Variants in ROBO1 observed in about 807,000 individuals in gnomAD.
ROBO1 encodes roundabout homolog 1.
Under a neutral mutation model 195.9 loss-of-function variants are expected in ROBO1, and 149 were observed. The observed-to-expected ratio is 0.76, with a 90% CI of 0.67 to 0.87. The LOEUF (loss-of-function observed/expected upper bound fraction) is 0.87. ROBO1 is among the 40% of genes least tolerant of loss of function. The probability of loss-of-function intolerance (pLI) is 0.00; values close to 1 mark genes in which losing one functional copy is unlikely to be tolerated. For missense variants in ROBO1, 1,933 were observed against 2,068.3 expected (o/e 0.93, Z 1.27); for synonymous variants, 816 against 733.2 (o/e 1.11, Z -1.82).
intron 17 of ROBO1, among the ~76,000 whole-genome samples, 167 bp downstream of exon 17, chr3:78,659,519 A>G (rs1240259806): frequency 6.6e-6 from 1 of 152,188 alleles, no homozygotes; most frequent in Non-Finnish European, 1.5e-5. Context: ...CAGAATTTCA[A>G]AATCACTGAA....
intron 2 of ROBO1, among the ~76,000 whole-genome samples, chr3:79,524,168 A>AGTGTGTGTGT (rs10663604): frequency 1.3e-5 from 2 of 150,640 alleles, no homozygotes; most frequent in Non-Finnish European, 3.0e-5. Flanking sequence ...ATTTGAAGTA[A>AGTGTGTGTGT]GTGTGTGTGT....
intron 4 of ROBO1, among the ~76,000 whole-genome samples, chr3:78,764,936 A>AT (rs937776130): frequency 4.6e-5 from 7 of 152,116 alleles, no homozygotes; most frequent in South Asian, 2.1e-4. Flanking sequence ...GGTTTGTGTG[A>AT]TTTTTTTAAG....
intron 2 of ROBO1, among the ~76,000 whole-genome samples, chr3:79,335,278 G>A (rs1190149365): frequency 6.6e-6 from 1 of 152,056 alleles, no homozygotes. Flanking sequence ...AGAAATGAAT[G>A]TATATTCAAG....
In ROBO1 at chr3:78,600,266, A is replaced by G. The variant is rs1286987521; in HGVS notation, c.4788T>C (p.Asn1596=). ...PYCRPTFPTS[N]NPRDPSSSSS... is the part of the protein sequence containing the mutation. ...TTGAGGAACTGGGATCTCTGGGATTATTTGATGTTGGAAAAGTAGGTCTAC... is the reference window on the plus strand; with the variant it reads ...TTGAGGAACTGGGATCTCTGGGATTGTTTGATGTTGGAAAAGTAGGTCTAC... The change falls in exon 30 of 31, where the codon AAT becomes AAC. Residue 1596 remains asparagine (N), a synonymous_variant. Transcript: ENST00000464233. 10 of 1,613,060 alleles carry G rather than the reference A, an allele frequency of 6.2e-6. No individual in the cohort carries two copies. The highest frequency in any genetic ancestry group is 8.5e-6 in the Non-Finnish European group (10 of 1,179,276).
intron 2 of ROBO1, among the ~76,000 whole-genome samples, chr3:79,228,631 G>T (rs1043922947): frequency 1.3e-5 from 2 of 152,102 alleles, no homozygotes; most frequent in Non-Finnish European, 2.9e-5. Context: ...AAAATTAGGA[G>T]GGGGCTGAGG....
chr3:79,522,718 T>A (rs2107583962), intron 2 of ROBO1, among the ~76,000 whole-genome samples: 1 of 152,332 alleles, frequency 6.6e-6, no homozygotes, highest in South Asian at 2.1e-4. Context: ...TCATTATTTC[T>A]GTTTAAAGAT....
chr3:79,227,951 T>G (rs973800757), intron 2 of ROBO1, among the ~76,000 whole-genome samples: 1 of 152,206 alleles, frequency 6.6e-6, no homozygotes, highest in African/African-American at 2.4e-5. Context: ...GTTCATTTTC[T>G]TAACAGATTG....
At chr3:79,681,525 G>T (rs1946948112) in intron 1 of ROBO1, among the ~76,000 whole-genome samples, 1 of 151,996 alleles carries the variant, frequency 6.6e-6, no homozygotes, top group South Asian at 2.1e-4. Flanking sequence ...GAGTTATTTG[G>T]AATGTAAAGT....
At chr3:78,992,624 C>A (rs1487016134) in intron 3 of ROBO1, among the ~76,000 whole-genome samples, 1 of 152,086 alleles carries the variant, frequency 6.6e-6, no homozygotes, top group Non-Finnish European at 1.5e-5. Context: ...TGTGCTGTGG[C>A]TTGCTAGTAA....
chr3:79,305,419 G>A (rs1222230775), intron 2 of ROBO1, among the ~76,000 whole-genome samples: 7 of 150,132 alleles, frequency 4.7e-5, no homozygotes, highest in Non-Finnish European at 7.4e-5. Context: ...CCTGGGAGGC[G>A]GAGGTTGCAG....
chr3:79,551,748 G>A (rs1277203291), intron 2 of ROBO1, among the ~76,000 whole-genome samples: 3 of 151,748 alleles, frequency 2.0e-5, no homozygotes, highest in Non-Finnish European at 4.4e-5. Flanking sequence ...TCATTTATGT[G>A]ACAAAGTAAA....
intron 2 of ROBO1, among the ~76,000 whole-genome samples, chr3:79,569,017 T>C (rs1207902265): frequency 2.0e-5 from 3 of 152,178 alleles, no homozygotes; most frequent in African/African-American, 7.2e-5. Context: ...TATCAGCTGT[T>C]TTAGAAAAAA....
chr3:78,738,935 C>A (rs1042836856), intron 5 of ROBO1, among the ~76,000 whole-genome samples: 3 of 152,082 alleles, frequency 2.0e-5, no homozygotes, highest in African/African-American at 7.2e-5. Context: ...CTTTCCCCAT[C>A]ATCTAAATTA....
intron 3 of ROBO1, among the ~76,000 whole-genome samples, chr3:78,957,729 T>A (rs535060579): frequency 6.6e-6 from 1 of 152,342 alleles, no homozygotes; most frequent in Admixed American, 6.5e-5. Flanking sequence ...ATCAATTGCC[T>A]CTTCTCTTTA....
chr3:79,487,894 G>T (rs1197955114), intron 2 of ROBO1, among the ~76,000 whole-genome samples: 1 of 151,902 alleles, frequency 6.6e-6, no homozygotes, highest in Non-Finnish European at 1.5e-5. Flanking sequence ...TAGAAAATGG[G>T]AACAATAACT....
Position 79,754,882 on chromosome 3 carries a change from T to C in ROBO1, c.-51+12870A>G, listed in dbSNP as rs564418074. 2.6e-5 allele frequency among the ~76,000 whole-genome samples: 4 copies of C among 152,302 alleles called. No homozygotes were observed. The South Asian group carries it at 8.3e-4, about 32-fold the overall frequency. ...ACCACTTTTAAGTATTTATTAATTA[T>C]TTATTTAATTATTTTGAGATGGAGT... On this transcript the variant is annotated intron_variant, in intron 1 of 30. Coordinates refer to ENST00000464233, the MANE Select transcript of ROBO1 (RefSeq NM_002941.4).
chr3:78,621,804 A>G (rs1704473610), intron 26 of ROBO1, among the ~76,000 whole-genome samples: 1 of 152,190 alleles, frequency 6.6e-6, no homozygotes. Flanking sequence ...TGTTCAAGAG[A>G]AAAGCGGAAT....
At chr3:79,159,513 T>A (rs1418895327) in intron 2 of ROBO1, among the ~76,000 whole-genome samples, 1 of 151,994 alleles carries the variant, frequency 6.6e-6, no homozygotes, top group East Asian at 1.9e-4. Flanking sequence ...CTACATAATA[T>A]GTTGGTCTAA....
At chr3:78,927,329 C>A (rs2107628266) in intron 4 of ROBO1, among the ~76,000 whole-genome samples, 1 of 152,302 alleles carries the variant, frequency 6.6e-6, no homozygotes, top group East Asian at 1.9e-4. Flanking sequence ...AACCACACAT[C>A]CAAACCTGAG....
Sources: gnomAD v4.1 joint callset for allele counts (sites outside exome capture counted in the v4.1 genomes callset) on GRCh38, gnomAD v4.1.1 for gene constraint, MANE v1.5 for transcripts, NCBI Gene and HGNC (gene_info 2026-07-23, HGNC 2026-07-21) for gene names.